Variants in SF3A1 observed in about 807,000 individuals in gnomAD.
The protein encoded by SF3A1 is splicing factor 3a subunit 1.
A neutral mutation model predicts 89.9 loss-of-function variants in SF3A1; 13 were observed. The observed-to-expected ratio is 0.14, with a 90% confidence interval of 0.09 to 0.23. The LOEUF (loss-of-function observed/expected upper bound fraction) is 0.23, where lower values mean the gene tolerates loss of function less well. SF3A1 is among the 10% of genes least tolerant of loss of function. The pLI is 1.00. For synonymous variants in SF3A1, 405 were observed against 374.4 expected, an observed-to-expected ratio of 1.08 and a Z score of -0.94; for missense variants, 604 against 1,022.1, an observed-to-expected ratio of 0.59 and a Z score of 5.58.
At chr22:30,337,601 G>A in intron 12 of SF3A1, 89 bp downstream of exon 12, 1 of 749,302 alleles carries the variant, frequency 1.3e-6, no homozygotes, top group Non-Finnish European at 2.4e-6. Flanking sequence ...TGGAACAGCT[G>A]GCACTAGCAT....
At chr22:30,340,945 G>A in intron 7 of SF3A1, 133 bp from the exon 8 acceptor site, 1 of 630,312 alleles carries the variant, frequency 1.6e-6, no homozygotes, top group African/African-American at 1.9e-5. Flanking sequence ...GCCTCCCAGG[G>A]CAGCTGAGGC....
At chr22:30,346,288 T>A (rs779739747) in intron 3 of SF3A1, 24 bp downstream of exon 3, 1 of 1,493,466 alleles carries the variant, frequency 6.7e-7, no homozygotes, top group Admixed American at 1.7e-5. Flanking sequence ...CCTGCGTAAG[T>A]GAAGGGGGCA....
At chr22:30,339,946 A>G (rs1931196653) in intron 9 of SF3A1, among the ~76,000 whole-genome samples, 1 of 152,206 alleles carries the variant, frequency 6.6e-6, no homozygotes, top group Non-Finnish European at 1.5e-5. Context: ...AGCCACAGGA[A>G]GCCCTTCCAG....
At chr22:30,336,568 G>A (rs184319589) in intron 13 of SF3A1, among the ~76,000 whole-genome samples, 5 of 152,276 alleles carry the variant, frequency 3.3e-5, no homozygotes, top group East Asian at 1.9e-4. Context: ...GTGATTAGCA[G>A]TGACAAGGTC....
intron 13 of SF3A1, 88 bp downstream of exon 13, chr22:30,336,938 T>G: frequency 6.6e-7 from 1 of 1,508,176 alleles, no homozygotes; most frequent in Non-Finnish European, 9.2e-7. Flanking sequence ...AGACTGGGAG[T>G]GAAATAGGGT....
chr22:30,344,093 C>T (rs530986013), intron 4 of SF3A1, among the ~76,000 whole-genome samples: 5 of 152,346 alleles, frequency 3.3e-5, no homozygotes, highest in African/African-American at 1.2e-4. Flanking sequence ...CCAGAACTGA[C>T]TTGTCCTGAT....
Position 30,342,592 on chromosome 22 carries a change from G to A in SF3A1, c.726+213C>T, listed in dbSNP as rs1291559910. ...TCTTCTAGCTAGAGTGGAAAAGAGG[G>A]AGATATATTGAGGCTGAGAGCAAAG... On this transcript the variant is annotated intron_variant, in intron 5 of 15. Transcript: ENST00000215793. 10 of 623,820 alleles carry A rather than the reference G, an allele frequency of 1.6e-5. No homozygotes were observed. The Admixed American group carries it at 2.9e-4, about 18-fold the overall frequency. 38.6% of individuals were successfully genotyped at this position (623,820 alleles called of 1,614,324 possible).
At position 30,335,480 on chromosome 22, in the gene SF3A1, T is replaced by C; in HGVS notation, c.2267A>G (p.Lys756Arg). Residue 756 changes from lysine to arginine, a missense_variant, in exon 15 of 16, where the codon AAG becomes AGG. By Grantham distance (26) the Lys-to-Arg change is conservative (BLOSUM62 2). This residue lies in a region of SF3A1 where 74 missense variants were observed against 141.3 expected (regional missense o/e 0.52). Transcript: ENST00000215793. ...EATGMPAGKQKLQYEGIFIKD... is the reference protein window; with the variant it reads ...EATGMPAGKQRLQYEGIFIKD... ...AAACTGACTCACCTCATACTGTAGC[T>C]TCTGTTTCCCTGCAGGCATGCCTGT... The C allele has an allele frequency of 6.2e-7, 1 of 1,614,130 alleles. No individual in the cohort carries two copies. The highest frequency in any genetic ancestry group is 8.5e-7 in the Non-Finnish European group (1 of 1,179,962).
chr22:30,347,622 A>C (rs986647645), intron 2 of SF3A1, among the ~76,000 whole-genome samples: 15 of 152,200 alleles, frequency 9.9e-5, no homozygotes, highest in African/African-American at 3.6e-4. Context: ...CCCAACAGTA[A>C]TATTCAAAGT....
At chr22:30,341,939 C>A in intron 6 of SF3A1, 54 bp from the exon 7 acceptor site, 1 of 1,553,148 alleles carries the variant, frequency 6.4e-7, no homozygotes, top group Admixed American at 1.8e-5. Flanking sequence ...CACCTATTTG[C>A]CCTGTCTGAG....
At chr22:30,342,027 T>C (rs1023570454) in intron 6 of SF3A1, 142 bp from the exon 7 acceptor site, 8 of 1,162,690 alleles carry the variant, frequency 6.9e-6, no homozygotes, top group East Asian at 4.9e-5. Context: ...CAAGTACGTA[T>C]TGAATCTAAG....
Position 30,344,828 on chromosome 22 carries a change from T to C in SF3A1, c.651+105A>G, listed in dbSNP as rs551597608. On this transcript the variant is annotated intron_variant, in intron 4 of 15. Transcript: ENST00000215793. The stretch of plus-strand genomic sequence containing the variant: ...TCAAAACATTTGCTCAGAGGCCCCA[T>C]GGAGAAGCGATGTCCTTGTAGACAG... 1.1e-4 allele frequency: 151 copies of C among 1,313,874 alleles called. No individual in the cohort carries two copies. The African/African-American group carries it at 2.1e-3, about 18-fold the overall frequency. The allele number at this position is 1,313,874 out of a possible 1,614,324, so 81.4% of individuals were successfully genotyped here.
Position 30,342,314 on chromosome 22 carries a change from G to T in SF3A1, c.763C>A (p.Arg255Ser). Residue 255 changes from arginine (R) to serine (S), a missense_variant, in exon 6 of 16, where the codon CGT becomes AGT. Physicochemically the swap from Arg to Ser is moderately radical, Grantham distance 110. Around this residue, in one of 9 missense-constraint regions of SF3A1, gnomAD observed 162 missense variants for 229.2 expected, o/e 0.71. Coordinates refer to ENST00000215793, the MANE Select transcript of SF3A1 (RefSeq NM_005877.6). ...YRVEWAKFQE[R>S]ERKKEEEEKE... The stretch of plus-strand genomic sequence containing the variant: ...TCCTCTTCTTCCTTCTTCCTCTCAC[G>T]TTCCTGGAATTTGGCCCATTCCACT... The T allele has an allele frequency of 1.9e-6, 3 of 1,613,196 alleles. No individual in the cohort carries two copies. Among genetic ancestry groups the T allele is most frequent in the Non-Finnish European group, 2.5e-6 (3 of 1,179,614 alleles).
At chr22:30,345,518 A>G (rs527438111) in intron 3 of SF3A1, among the ~76,000 whole-genome samples, 2 of 152,308 alleles carry the variant, frequency 1.3e-5, no homozygotes, top group Non-Finnish European at 2.9e-5. Flanking sequence ...CCCATCCAAG[A>G]GGGATGGATG....
chr22:30,350,313 T>A (rs5753086), intron 2 of SF3A1, among the ~76,000 whole-genome samples: 19,501 of 132,624 alleles, frequency 0.15, 1,919 homozygotes, highest in Middle Eastern at 0.22. Context: ...CTAAAAAAAA[T>A]AAAAAAAATA....
intron 11 of SF3A1, 58 bp downstream of exon 11, chr22:30,338,731 G>T: frequency 1.2e-6 from 2 of 1,609,064 alleles, no homozygotes; most frequent in Non-Finnish European, 8.5e-7. Flanking sequence ...AGCCAACAGT[G>T]TCCGACCTCA....
At chr22:30,340,909 T>C in intron 7 of SF3A1, 97 bp from the exon 8 acceptor site, 3 of 756,706 alleles carry the variant, frequency 4.0e-6, no homozygotes, top group Non-Finnish European at 6.7e-6. Context: ...AGCCTTGGCC[T>C]CTGCCAGCCA....
intron 2 of SF3A1, among the ~76,000 whole-genome samples, chr22:30,346,871 A>G (rs1931437333): frequency 6.6e-6 from 1 of 152,054 alleles, no homozygotes; most frequent in African/African-American, 2.4e-5. Context: ...ACTTCAAATA[A>G]AAAAAAATCA....
At chr22:30,355,504 C>T (rs559702276) in intron 1 of SF3A1, among the ~76,000 whole-genome samples, 3 of 152,324 alleles carry the variant, frequency 2.0e-5, no homozygotes, top group African/African-American at 4.8e-5. Flanking sequence ...TGATTCTCCA[C>T]ACGTCTGCCT....
Sources: allele counts gnomAD v4.1 joint callset (sites outside exome capture counted in the v4.1 genomes callset), GRCh38; gene constraint gnomAD v4.1.1; regional missense constraint gnomAD v4.1.1; transcripts MANE v1.5; gene names NCBI Gene and HGNC (gene_info 2026-07-23, HGNC 2026-07-21).